Variants in TRAT1 observed in about 807,000 individuals in gnomAD.
TRAT1 encodes the protein T cell receptor associated transmembrane adaptor 1.
TRAT1 carries 20 observed loss-of-function variants against 20.0 expected under a neutral mutation model. The ratio of observed to expected loss-of-function variants is 1.00; its 90% CI spans 0.70 to 1.45. The LOEUF (loss-of-function observed/expected upper bound fraction) is 1.45, where lower values mean the gene tolerates loss of function less well. Among genes scored for constraint, TRAT1 ranks in the 40% most tolerant of loss-of-function variants. The pLI, the probability that TRAT1 is intolerant of heterozygous loss-of-function variation, is 0.00. For synonymous variants in TRAT1, 77 were observed against 74.2 expected (o/e 1.04, Z -0.20); for missense variants, 237 against 224.1 (o/e 1.06, Z -0.37).
At chr3:108,837,044 A>T (rs772013489) in intron 2 of TRAT1, among the ~76,000 whole-genome samples, 5 of 152,184 alleles carry the variant, frequency 3.3e-5, no homozygotes, top group Non-Finnish European at 5.9e-5. Flanking sequence ...GGTCTATATT[A>T]ACTATGTTTT....
At chr3:108,834,925 G>A (rs1412729482) in intron 2 of TRAT1, among the ~76,000 whole-genome samples, 1 of 152,102 alleles carries the variant, frequency 6.6e-6, no homozygotes, top group Non-Finnish European at 1.5e-5. Flanking sequence ...GTGATTCTTT[G>A]TTCAAATCTG....
intron 1 of TRAT1, among the ~76,000 whole-genome samples, chr3:108,828,910 T>C (rs966856640): frequency 4.6e-5 from 7 of 152,196 alleles, no homozygotes; most frequent in Non-Finnish European, 1.5e-5. Flanking sequence ...TAGAAAGTCA[T>C]CAAAGTCTAT....
In TRAT1 at chr3:108,849,071, T is replaced by C. The variant is rs1464830599; in HGVS notation, c.215-95T>C. The C allele has an allele frequency of 9.2e-6, 10 of 1,091,938 alleles. No individual in the cohort carries two copies. In the African/African-American group the frequency reaches 1.1e-4, roughly 12 times the overall value. The allele number at this position is 1,091,938 out of a possible 1,614,324, so 67.6% of individuals were successfully genotyped here. ...AGTTAAGTAATTCTTGGGCAGTTTA[T>C]ATTTGCAGCCAAATGTTGTTTGGAT... On this transcript the variant is annotated intron_variant, in intron 4 of 5. Transcript: ENST00000295756.
chr3:108,851,078 C>G (rs902722142), intron 5 of TRAT1, among the ~76,000 whole-genome samples: 1 of 152,120 alleles, frequency 6.6e-6, no homozygotes, highest in Non-Finnish European at 1.5e-5. Context: ...CGTATTTGCT[C>G]AATTTTATTT....
chr3:108,845,828 G>A (rs1945937534), intron 3 of TRAT1, among the ~76,000 whole-genome samples: 1 of 152,042 alleles, frequency 6.6e-6, no homozygotes, highest in Admixed American at 6.5e-5. Flanking sequence ...TCAGTTCCCA[G>A]ACTGCCATTG....
chr3:108,846,919 C>A, intron 3 of TRAT1, 149 bp from the exon 4 acceptor site: 1 of 600,450 alleles, frequency 1.7e-6, no homozygotes, highest in Non-Finnish European at 3.0e-6. Flanking sequence ...CGTGTTCACT[C>A]ACTTGCACAA....
intron 2 of TRAT1, among the ~76,000 whole-genome samples, chr3:108,836,169 T>C (rs533346975): frequency 2.0e-5 from 3 of 152,206 alleles, no homozygotes; most frequent in Non-Finnish European, 4.4e-5. Flanking sequence ...CTGCCCACCT[T>C]GGCCTCCCAA....
At chr3:108,827,588 A>G (rs112809008) in intron 1 of TRAT1, among the ~76,000 whole-genome samples, 2 of 152,256 alleles carry the variant, frequency 1.3e-5, no homozygotes, top group Admixed American at 6.5e-5. Context: ...GCCTCCAAAT[A>G]AAAATCTTCC....
In TRAT1 at chr3:108,852,627, CTT is replaced by C. The variant is rs1268310792; in HGVS notation, c.304-991_304-990del. Reference sequence around the variant, plus strand: ...AAAGAGTAATGCTTAATACATAAATCTTTGGTTTGTTCAATGGCTGTCTTAAA... The same window carrying C: ...AAAGAGTAATGCTTAATACATAAATCTGGTTTGTTCAATGGCTGTCTTAAA... On this transcript the variant is annotated intron_variant, in intron 5 of 5. Coordinates refer to ENST00000295756, the MANE Select transcript of TRAT1 (RefSeq NM_016388.4). Among the ~76,000 whole-genome samples the C allele has an allele frequency of 2.6e-5, 4 of 152,278 alleles. No homozygotes were observed. In the East Asian group the frequency reaches 7.7e-4, roughly 29 times the overall value.
At chr3:108,847,036 C>A in intron 3 of TRAT1, 32 bp from the exon 4 acceptor site, 3 of 1,279,660 alleles carry the variant, frequency 2.3e-6, no homozygotes, top group South Asian at 1.3e-5. Context: ...AAAGTGGAAT[C>A]TAATAAGGTA....
chr3:108,840,260 T>A (rs570316908), intron 3 of TRAT1, among the ~76,000 whole-genome samples: 1 of 152,328 alleles, frequency 6.6e-6, no homozygotes, highest in South Asian at 2.1e-4. Flanking sequence ...TTAGTTTATA[T>A]CAAGAATGAT....
At chr3:108,840,895 C>T (rs1945891021) in intron 3 of TRAT1, among the ~76,000 whole-genome samples, 1 of 152,260 alleles carries the variant, frequency 6.6e-6, no homozygotes. Context: ...TGGATGGAAA[C>T]TCATCTTCCT....
rs377027837 is a variant in TRAT1, at chr3:108,827,585, A to C, written c.8-3085A>C. Among the ~76,000 whole-genome samples, 15 of 152,264 alleles carry C rather than the reference A, an allele frequency of 9.9e-5. No homozygotes were observed. The South Asian group carries it at 2.1e-3, about 21-fold the overall frequency. On this transcript the variant is annotated intron_variant, in intron 1 of 5. Transcript: ENST00000295756. ...AATGTCATAAAATACAAAGCCTCCA[A>C]ATAAAAATCTTCCTGTTTAAAATTT...
At chr3:108,842,138 T>G (rs936349162) in intron 3 of TRAT1, among the ~76,000 whole-genome samples, 1 of 152,180 alleles carries the variant, frequency 6.6e-6, no homozygotes, top group Non-Finnish European at 1.5e-5. Context: ...ACATTAAGCT[T>G]ATCATGACTC....
chr3:108,851,640 A>C (rs1576526257), intron 5 of TRAT1, among the ~76,000 whole-genome samples: 2 of 151,604 alleles, frequency 1.3e-5, no homozygotes, highest in African/African-American at 2.4e-5. Context: ...AAAAAAAAAA[A>C]AACACCTTAC....
intron 3 of TRAT1, among the ~76,000 whole-genome samples, chr3:108,842,370 C>T (rs566663640): frequency 1.2e-4 from 18 of 152,292 alleles, no homozygotes; most frequent in African/African-American, 3.4e-4. Context: ...TATAACTAGT[C>T]TCATCTGTCC....
rs185568171 is a variant in TRAT1 at position 108,825,407 on chromosome 3, T to C, written c.7+2473T>C. On this transcript the variant is annotated intron_variant, in intron 1 of 5. Coordinates refer to ENST00000295756, the MANE Select transcript of TRAT1 (RefSeq NM_016388.4). ...TTAAATAATGATTCACAATTTAGTTTACTCATCTTCATTTTTTTTAAAAAA... is the reference window on the plus strand; with the variant it reads ...TTAAATAATGATTCACAATTTAGTTCACTCATCTTCATTTTTTTTAAAAAA... Among the ~76,000 whole-genome samples the C allele has an allele frequency of 3.2e-4, 49 of 152,214 alleles. 2 individuals are homozygous for C. In the East Asian group the frequency reaches 8.5e-3, roughly 26 times the overall value.
intron 2 of TRAT1, among the ~76,000 whole-genome samples, chr3:108,833,783 G>A (rs1056632448): frequency 2.4e-4 from 35 of 145,418 alleles, no homozygotes; most frequent in African/African-American, 8.4e-4. Flanking sequence ...CTAGACCCTA[G>A]GGTTCTTGTA....
At chr3:108,830,046 T>TG (rs1299790470) in intron 1 of TRAT1, among the ~76,000 whole-genome samples, 1 of 152,110 alleles carries the variant, frequency 6.6e-6, no homozygotes. Flanking sequence ...GGACAAGATG[T>TG]GGGGGTGGAA....
Sources: gnomAD v4.1 joint callset for allele counts (sites outside exome capture counted in the v4.1 genomes callset) on GRCh38, gnomAD v4.1.1 for gene constraint, MANE v1.5 for transcripts, NCBI Gene and HGNC (gene_info 2026-07-23, HGNC 2026-07-21) for gene names.